The following IQGAP2 variants were observed in gnomAD, a reference collection of about 807,000 sequenced individuals.
IQGAP2 encodes the protein IQ motif containing GTPase activating protein 2.
IQGAP2 carries 173 observed loss-of-function variants against 201.3 expected under a neutral mutation model. The observed-to-expected ratio is 0.86, with a 90% confidence interval of 0.76 to 0.98. The LOEUF (loss-of-function observed/expected upper bound fraction) is 0.98, where lower values mean the gene tolerates loss of function less well. Ranked by LOEUF, IQGAP2 falls within the 50% of genes least tolerant of loss-of-function variation. IQGAP2 has a pLI of 0.00. For synonymous variants in IQGAP2, 675 were observed against 673.9 expected (o/e 1.00, Z -0.03); for missense variants, 1,687 against 1,864.8 (o/e 0.90, Z 1.76).
chr5:76,535,595 T>C (rs1419263812), intron 2 of IQGAP2, among the ~76,000 whole-genome samples: 1 of 152,220 alleles, frequency 6.6e-6, no homozygotes, highest in African/African-American at 2.4e-5. Flanking sequence ...TGGGTCTGTG[T>C]GACAAAATGG....
At chr5:76,405,747 G>A (rs960130442) in intron 1 of IQGAP2, among the ~76,000 whole-genome samples, 1 of 152,138 alleles carries the variant, frequency 6.6e-6, no homozygotes, top group African/African-American at 2.4e-5. Flanking sequence ...ACATGAGACT[G>A]AAAATCGTGC....
At chr5:76,546,141 T>C (rs755377613) in intron 2 of IQGAP2, among the ~76,000 whole-genome samples, 2 of 152,200 alleles carry the variant, frequency 1.3e-5, no homozygotes, top group Non-Finnish European at 2.9e-5. Context: ...ATCCATTTAA[T>C]ACACCCCTTT....
At chr5:76,605,829 T>C (rs1747764986) in intron 11 of IQGAP2, among the ~76,000 whole-genome samples, 1 of 152,218 alleles carries the variant, frequency 6.6e-6, no homozygotes, top group Admixed American at 6.5e-5. Flanking sequence ...GTAACAATCA[T>C]CTGAAGACTG....
chr5:76,609,320 C>T (rs965922567), intron 12 of IQGAP2: 25 of 1,254,072 alleles, frequency 2.0e-5, no homozygotes, highest in Admixed American at 6.0e-5. Flanking sequence ...TAGGGTAAAA[C>T]GACAGTACCT....
rs146472393 is a variant in IQGAP2, at chr5:76,482,310, A to G, written c.146+20641A>G. Among the ~76,000 whole-genome samples the G allele has an allele frequency of 6.6e-5, 10 of 152,286 alleles. No homozygotes were observed. In the East Asian group the frequency reaches 1.9e-3, roughly 29 times the overall value. ...GTTCCTGAAGTTAAATAACCAAAATATATGCTTATAAAGTGGTGATGAAAA... is the reference window on the plus strand; with the variant it reads ...GTTCCTGAAGTTAAATAACCAAAATGTATGCTTATAAAGTGGTGATGAAAA... On this transcript the variant is annotated intron_variant, in intron 2 of 35. Coordinates refer to ENST00000274364, the MANE Select transcript of IQGAP2 (RefSeq NM_006633.5).
intron 2 of IQGAP2, among the ~76,000 whole-genome samples, chr5:76,524,454 C>T (rs975108467): frequency 3.3e-5 from 5 of 152,124 alleles, no homozygotes; most frequent in Non-Finnish European, 7.4e-5. Flanking sequence ...TCAGTTAGTA[C>T]CGATCCGATC....
chr5:76,661,426 A>G (rs1034167817), intron 21 of IQGAP2, among the ~76,000 whole-genome samples: 2 of 152,220 alleles, frequency 1.3e-5, no homozygotes, highest in African/African-American at 4.8e-5. Flanking sequence ...AGCCTAAATT[A>G]AGAGACTGAA....
At chr5:76,528,112 C>T (rs1182395087) in intron 2 of IQGAP2, among the ~76,000 whole-genome samples, 1 of 152,104 alleles carries the variant, frequency 6.6e-6, no homozygotes, top group African/African-American at 2.4e-5. Flanking sequence ...ATCTTGGGCG[C>T]CATTAAGATG....
chr5:76,458,646 A>T (rs1754235922), intron 1 of IQGAP2, among the ~76,000 whole-genome samples: 1 of 152,172 alleles, frequency 6.6e-6, no homozygotes, highest in Admixed American at 6.5e-5. Context: ...ATGTACAAGG[A>T]AGTCCCATGA....
chr5:76,518,637 T>C (rs1182179662), intron 2 of IQGAP2, among the ~76,000 whole-genome samples: 1 of 152,204 alleles, frequency 6.6e-6, no homozygotes, highest in Admixed American at 6.5e-5. Flanking sequence ...GCGGTTCTTC[T>C]GGGTGCTGCT....
At chr5:76,470,807 T>C (rs1013394365) in intron 2 of IQGAP2, among the ~76,000 whole-genome samples, 1 of 152,204 alleles carries the variant, frequency 6.6e-6, no homozygotes, top group African/African-American at 2.4e-5. Flanking sequence ...TTAGGTTTCC[T>C]TTTCAAGTAG....
chr5:76,403,747 G>T lies in IQGAP2; in HGVS notation c.46+156G>T, dbSNP rs1214038470. ...CAAAGTTGGGAGCTGGAGTTGCAAA[G>T]GGCAGTGAATCGCGTCCCCCCGCTC... On this transcript the variant is annotated intron_variant, in intron 1 of 35. Coordinates refer to ENST00000274364, the MANE Select transcript of IQGAP2 (RefSeq NM_006633.5). The surrounding 1 kb of genome is among the most constrained non-coding windows in gnomAD (Gnocchi z 4.8). 1.3e-5 allele frequency among the ~76,000 whole-genome samples: 2 copies of T among 152,182 alleles called. No homozygotes were observed. The highest frequency in any genetic ancestry group is 3.9e-4 in the East Asian group (2 of 5,172).
At chr5:76,651,081 A>G (rs990867358) in intron 17 of IQGAP2, among the ~76,000 whole-genome samples, 1 of 152,082 alleles carries the variant, frequency 6.6e-6, no homozygotes, top group African/African-American at 2.4e-5. Flanking sequence ...TTCACCATCT[A>G]TGCTTTCTTT....
chr5:76,453,166 G>A lies in IQGAP2; in HGVS notation c.47-8404G>A, dbSNP rs371029328. Among the ~76,000 whole-genome samples the A allele has an allele frequency of 1.7e-4, 26 of 151,998 alleles. No homozygotes were observed. The East Asian group carries it at 2.9e-3, about 17-fold the overall frequency. ...CCTGACCTCATGATCCACCCGCCTC[G>A]GCCTTCCAAAGTGCTGGGATTAAAG... On this transcript the variant is annotated intron_variant, in intron 1 of 35. Coordinates refer to ENST00000274364, the MANE Select transcript of IQGAP2 (RefSeq NM_006633.5).
chr5:76,404,053 T>G (rs1023222995), intron 1 of IQGAP2, among the ~76,000 whole-genome samples: 2 of 152,180 alleles, frequency 1.3e-5, no homozygotes, highest in African/African-American at 2.4e-5. Flanking sequence ...ACTCTGCTAG[T>G]GCAAAGCCGG....
intron 12 of IQGAP2, among the ~76,000 whole-genome samples, chr5:76,610,113 TA>T (rs1554074284): frequency 2.0e-3 from 33 of 16,232 alleles, no homozygotes; most frequent in African/African-American, 3.8e-3. Flanking sequence ...TATATATATA[TA>T]TTTTTTTTTT....
chr5:76,668,510 T>G (rs887173409), intron 22 of IQGAP2, among the ~76,000 whole-genome samples, 171 bp from the exon 23 acceptor site: 5 of 152,106 alleles, frequency 3.3e-5, no homozygotes, highest in Admixed American at 3.3e-4. Flanking sequence ...ACTAATAGCA[T>G]AGAGATGAGT....
At chr5:76,704,079 G>A (rs1747667857) in intron 35 of IQGAP2, among the ~76,000 whole-genome samples, 1 of 152,238 alleles carries the variant, frequency 6.6e-6, no homozygotes, top group South Asian at 2.1e-4. Flanking sequence ...AAGCTATTAT[G>A]TAATTATTGA....
At chr5:76,583,258 G>A (rs895421223) in intron 5 of IQGAP2, among the ~76,000 whole-genome samples, 1 of 152,114 alleles carries the variant, frequency 6.6e-6, no homozygotes, top group African/African-American at 2.4e-5. Flanking sequence ...TGCTTGGGAA[G>A]GAAGTTTGCT....
Sources: gnomAD v4.1 joint callset for allele counts (sites outside exome capture counted in the v4.1 genomes callset) on GRCh38, gnomAD v4.1.1 for gene constraint, Gnocchi (gnomAD v3.1) non-coding constraint, MANE v1.5 for transcripts, NCBI Gene and HGNC (gene_info 2026-07-23, HGNC 2026-07-21) for gene names.